Variants in TAFA2 observed in about 807,000 individuals in gnomAD.
TAFA2 encodes the protein chemokine-like protein TAFA-2.
A neutral mutation model predicts 18.8 loss-of-function variants in TAFA2; 7 were observed. The observed-to-expected ratio is 0.37, with a 90% confidence interval of 0.21 to 0.70. The LOEUF is 0.70. Ranked by LOEUF, TAFA2 falls within the 30% of genes least tolerant of loss-of-function variation. TAFA2 has a pLI of 0.53. For missense variants in TAFA2, 122 were observed against 158.1 expected, an observed-to-expected ratio of 0.77 and a Z score of 1.23; for synonymous variants, 60 against 54.2, an observed-to-expected ratio of 1.11 and a Z score of -0.47.
At chr12:61,984,355 C>G (rs775598349) in intron 1 of TAFA2, among the ~76,000 whole-genome samples, 9 of 152,180 alleles carry the variant, frequency 5.9e-5, no homozygotes, top group Non-Finnish European at 1.0e-4. Flanking sequence ...GTAGAATGTG[C>G]AGGAGAACCC....
At chr12:61,800,831 A>G (rs1871370761) in intron 2 of TAFA2, among the ~76,000 whole-genome samples, 2 of 152,142 alleles carry the variant, frequency 1.3e-5, no homozygotes, top group African/African-American at 4.8e-5. Context: ...GAGGACCTTT[A>G]TGGAGAAAAG....
intron 1 of TAFA2, among the ~76,000 whole-genome samples, chr12:62,139,481 T>C (rs1419403081): frequency 6.6e-6 from 1 of 152,084 alleles, no homozygotes; most frequent in East Asian, 1.9e-4. Flanking sequence ...GTGAGAATTA[T>C]GCCTACCATG....
In TAFA2 at chr12:61,989,987, T is replaced by C. The variant is rs149424739; in HGVS notation, c.-1-122561A>G. 2.7e-3 allele frequency among the ~76,000 whole-genome samples: 410 copies of C among 152,284 alleles called. 5 individuals carry two copies. Among genetic ancestry groups the C allele is most frequent in the African/African-American group, 9.7e-3 (402 of 41,562 alleles). On this transcript the variant is annotated intron_variant, in intron 1 of 4. Transcript: ENST00000416284. ...TCTCTATTAACAATCTGCTGAGACA[T>C]TAATTGAATATTGACCCAAAGAAAT...
intron 2 of TAFA2, among the ~76,000 whole-genome samples, chr12:61,796,461 T>G (rs2120949758): frequency 6.6e-6 from 1 of 152,248 alleles, no homozygotes; most frequent in Admixed American, 6.5e-5. Flanking sequence ...GAAATTCTTT[T>G]AAAAAATGCA....
rs144875086 is a variant in TAFA2, at chr12:62,008,284, CAAAT to C, written c.-1-140862_-1-140859del. Among the ~76,000 whole-genome samples, 1,174 of 152,038 alleles carry C rather than the reference CAAAT, an allele frequency of 7.7e-3. 16 individuals are homozygous for C. The highest frequency in any genetic ancestry group is 0.027 in the African/African-American group (1,123 of 41,490). ...TTCCTTTTGATCATGTATTTTAAGA[CAAAT>C]AAAATACAGCAACTATAAATAATCT... On this transcript the variant is annotated intron_variant, in intron 1 of 4. Transcript: ENST00000416284.
intron 1 of TAFA2, among the ~76,000 whole-genome samples, chr12:62,085,970 C>T (rs540475245): frequency 6.6e-6 from 1 of 152,178 alleles, no homozygotes; most frequent in African/African-American, 2.4e-5. Flanking sequence ...CTTTCTCTTT[C>T]TCTCCTGCCA....
At chr12:62,196,970 T>C (rs560800459), upstream of TAFA2, among the ~76,000 whole-genome samples, 2 of 152,336 alleles carry the variant, frequency 1.3e-5, no homozygotes, top group East Asian at 3.9e-4. Flanking sequence ...TAACCCAGCC[T>C]CACAGCAGGG....
chr12:62,208,919 C>T (rs1290574621), intron 1 of TAFA2, among the ~76,000 whole-genome samples: 2 of 152,240 alleles, frequency 1.3e-5, no homozygotes, highest in Non-Finnish European at 2.9e-5. Context: ...CAGGTTATCT[C>T]TCTGTTGACT....
intron 1 of TAFA2, among the ~76,000 whole-genome samples, chr12:62,249,670 G>T (rs766973862): frequency 5.3e-5 from 8 of 152,142 alleles, no homozygotes; most frequent in Non-Finnish European, 1.2e-4. Flanking sequence ...TTCCCTCTCA[G>T]ACTCAGTGCT....
intron 2 of TAFA2, among the ~76,000 whole-genome samples, chr12:61,759,965 G>A (rs1869456517): frequency 6.6e-6 from 1 of 151,104 alleles, no homozygotes; most frequent in Non-Finnish European, 1.5e-5. Flanking sequence ...GGAAAGAGAG[G>A]TATGCCCTCC....
rs11415151 is a variant in TAFA2, at chr12:62,146,284, C to CTTT, written c.-2+44972_-2+44974dup. 6.2e-3 allele frequency among the ~76,000 whole-genome samples: 733 copies of CTTT among 117,664 alleles called. 32 individuals are homozygous for CTTT. The highest frequency in any genetic ancestry group is 0.01 in the Middle Eastern group (2 of 194). 77.2% of individuals were successfully genotyped at this position (117,664 alleles called of 152,430 possible). A position where few individuals can be genotyped will look rare whatever the true frequency, so the allele number is the denominator to read the frequency against. On this transcript the variant is annotated intron_variant, in intron 1 of 4. Transcript: ENST00000416284. The stretch of plus-strand genomic sequence containing the variant: ...CTTCAAAGCTTTCTCCCCTTTGCTG[C>CTTT]TTTTTTTTTTTTTTTTTTTGACAGG...
intron 1 of TAFA2, among the ~76,000 whole-genome samples, chr12:62,251,279 G>T (rs1440188113): frequency 6.6e-6 from 1 of 152,112 alleles, no homozygotes; most frequent in Admixed American, 6.6e-5. Context: ...TGTGAATTTG[G>T]ATGAGGTGAT....
At chr12:61,867,269 A>C in intron 2 of TAFA2, 51 bp downstream of exon 2, 3 of 1,131,428 alleles carry the variant, frequency 2.7e-6, no homozygotes, top group East Asian at 2.4e-5. Context: ...AGTCTGTGTT[A>C]AGGGTAGTCA....
intron 1 of TAFA2, among the ~76,000 whole-genome samples, chr12:62,067,429 A>G (rs558947162): frequency 1.1e-4 from 17 of 152,108 alleles, no homozygotes; most frequent in Admixed American, 7.2e-4. Flanking sequence ...GTTTTCTTTT[A>G]GTAGTTTCAA....
intron 2 of TAFA2, among the ~76,000 whole-genome samples, chr12:61,846,878 C>T (rs1873427495): frequency 6.6e-6 from 1 of 152,112 alleles, no homozygotes; most frequent in African/African-American, 2.4e-5. Context: ...TGCTATTACT[C>T]CAGAGAAAGT....
chr12:61,898,760 A>C (rs1425680797), intron 1 of TAFA2, among the ~76,000 whole-genome samples: 1 of 152,196 alleles, frequency 6.6e-6, no homozygotes, highest in Non-Finnish European at 1.5e-5. Flanking sequence ...CATGTTCCCC[A>C]TTGACTTGAT....
intron 1 of TAFA2, among the ~76,000 whole-genome samples, chr12:61,884,589 T>C (rs1009583924): frequency 6.6e-6 from 1 of 152,154 alleles, no homozygotes; most frequent in African/African-American, 2.4e-5. Context: ...AAACTAGAGA[T>C]GCTAAATGGA....
chr12:61,738,329 A>ACACACACACACACACACACC (rs1555198029), intron 4 of TAFA2, among the ~76,000 whole-genome samples: 1 of 146,742 alleles, frequency 6.8e-6, no homozygotes, highest in Non-Finnish European at 1.5e-5. Context: ...ACACACACAC[A>ACACACACACACACACACACC]AACCTAGCTC....
Position 61,843,209 on chromosome 12 carries a change from T to C in TAFA2, c.106+24111A>G, listed in dbSNP as rs1453527241. Among the ~76,000 whole-genome samples, 3 of 152,192 alleles carry C rather than the reference T, an allele frequency of 2.0e-5. No individual in the cohort carries two copies. In the East Asian group the frequency reaches 5.8e-4, roughly 29 times the overall value. ...AAAAGTTATTTCAGATGGTCCTTTC[T>C]ATATAAAACTAGAGATCTGGGACCC... On this transcript the variant is annotated intron_variant, in intron 2 of 4. Coordinates refer to ENST00000416284, the MANE Select transcript of TAFA2 (RefSeq NM_178539.5).
Sources: gnomAD v4.1 joint callset for allele counts (sites outside exome capture counted in the v4.1 genomes callset) on GRCh38, gnomAD v4.1.1 for gene constraint, MANE v1.5 for transcripts, NCBI Gene and HGNC (gene_info 2026-07-23, HGNC 2026-07-21) for gene names.